The following FYCO1 variants were observed in gnomAD, a reference collection of about 807,000 sequenced individuals.
FYCO1 encodes FYVE and coiled-coil domain-containing protein 1.
In FYCO1, 122 loss-of-function variants were observed where a neutral mutation model predicts 165.1. The observed-to-expected ratio is 0.74, with a 90% confidence interval of 0.64 to 0.86. The LOEUF (loss-of-function observed/expected upper bound fraction) is 0.86. FYCO1 is among the 40% of genes least tolerant of loss of function. The probability of loss-of-function intolerance (pLI) is 0.00; values close to 1 mark genes in which losing one functional copy is unlikely to be tolerated. For missense variants in FYCO1, 1,702 were observed against 1,810.3 expected, an observed-to-expected ratio of 0.94 and a Z score of 1.09; for synonymous variants, 648 against 742.5, an observed-to-expected ratio of 0.87 and a Z score of 2.07.
intron 1 of FYCO1, among the ~76,000 whole-genome samples, 182 bp from the exon 2 acceptor site, chr3:45,985,204 C>A (rs542322328): frequency 1.3e-5 from 2 of 152,210 alleles, no homozygotes; most frequent in Admixed American, 6.5e-5. Context: ...TTCTGACACA[C>A]TTCTATTCAG....
At chr3:45,946,649 C>T (rs1449066120) in intron 14 of FYCO1, 1 of 1,614,210 alleles carries the variant, frequency 6.2e-7, no homozygotes, top group Admixed American at 1.7e-5. Flanking sequence ...TGGTCATATC[C>T]ATCTTCTACC....
At chr3:45,989,549 C>T (rs1707472906) in intron 1 of FYCO1, among the ~76,000 whole-genome samples, 3 of 152,208 alleles carry the variant, frequency 2.0e-5, no homozygotes, top group Admixed American at 1.3e-4. Context: ...TGAACAAAGA[C>T]TCATTAGGTG....
intron 14 of FYCO1, among the ~76,000 whole-genome samples, chr3:45,940,364 C>T (rs757821499): frequency 6.6e-5 from 10 of 152,222 alleles, no homozygotes; most frequent in Non-Finnish European, 1.5e-4. Context: ...AGGAGTTGGG[C>T]GAGTGGGCTC....
chr3:45,987,538 T>C (rs1707368596), intron 1 of FYCO1, among the ~76,000 whole-genome samples: 1 of 152,174 alleles, frequency 6.6e-6, no homozygotes, highest in Non-Finnish European at 1.5e-5. Context: ...AAGAAAAGGA[T>C]GCTGGGACGG....
At chr3:45,973,708 T>C (rs1466812885) in intron 5 of FYCO1, among the ~76,000 whole-genome samples, 1 of 152,144 alleles carries the variant, frequency 6.6e-6, no homozygotes, top group East Asian at 1.9e-4. Flanking sequence ...ATAAAATAAA[T>C]GTTATCTGCA....
At chr3:45,937,677 C>T (rs758716862) in intron 14 of FYCO1, among the ~76,000 whole-genome samples, 2 of 152,216 alleles carry the variant, frequency 1.3e-5, no homozygotes, top group African/African-American at 4.8e-5. Flanking sequence ...CCACAGCCTC[C>T]GCTGCTCTTC....
chr3:45,984,077 G>A (rs1263110043), intron 2 of FYCO1, among the ~76,000 whole-genome samples: 1 of 152,178 alleles, frequency 6.6e-6, no homozygotes, highest in Non-Finnish European at 1.5e-5. Flanking sequence ...CAGGCATGGA[G>A]GAAGTGGTCA....
In FYCO1 at chr3:45,965,121, G is replaced by C; in HGVS notation, c.3062C>G (p.Ala1021Gly). The C allele has an allele frequency of 6.2e-7, 1 of 1,612,748 alleles. No homozygotes were observed. The highest frequency in any genetic ancestry group is 8.5e-7 in the Non-Finnish European group (1 of 1,179,010). Residue 1021 changes from alanine (A) to glycine (G), a missense_variant, in exon 9 of 18, where the codon GCT becomes GGT. Transcript: ENST00000296137. ...CCTGAGGCTCTTGCACTCTTCACCA[G>C]CATTCTAGAGAGGACAAGAAAGAAA... ...IMDYQSRLKN[A>G]GEECKSLRGQ...
Position 45,921,233 on chromosome 3 carries a change from C to T in FYCO1, c.*532G>A, listed in dbSNP as rs1458013137. 3 of 202,738 alleles carry T rather than the reference C, an allele frequency of 1.5e-5. No individual in the cohort carries two copies. The highest frequency in any genetic ancestry group is 9.4e-5 in the South Asian group (1 of 10,684). 12.6% of individuals were successfully genotyped at this position (202,738 alleles called of 1,614,324 possible). A position where few individuals can be genotyped will look rare whatever the true frequency, so the allele number is the denominator to read the frequency against. Reference sequence around the variant, plus strand: ...GACTGGAGGAGCTGGTCAGGATCTCCGGGGGGTCCCCTGGCACCGACTCGC... The same window carrying T: ...GACTGGAGGAGCTGGTCAGGATCTCTGGGGGGTCCCCTGGCACCGACTCGC... On this transcript the variant is annotated 3_prime_UTR_variant, in exon 18 of 18. Transcript: ENST00000296137.
At chr3:45,992,279 G>A (rs1341447057) in intron 1 of FYCO1, among the ~76,000 whole-genome samples, 2 of 152,190 alleles carry the variant, frequency 1.3e-5, no homozygotes, top group Non-Finnish European at 2.9e-5. Context: ...TGCACTTCTT[G>A]GGGAGGAGCA....
In FYCO1 at chr3:45,958,509, CCTTCA is replaced by C; in HGVS notation, c.3693_3697del (p.Ser1231ArgfsTer6). On this transcript the variant is annotated frameshift_variant, in exon 13 of 18. Transcript: ENST00000296137. LOFTEE classifies it high-confidence loss of function. The stretch of plus-strand genomic sequence containing the variant: ...GCCACTGCTATCAGGGGAGCCAGGG[CCTTCA>C]CTGAGCTTCTGGAAACAGGCTCGGC... 6.2e-7 allele frequency: 1 copy of C among 1,614,200 alleles called. No homozygotes were observed. Among genetic ancestry groups the C allele is most frequent in the Admixed American group, 1.7e-5 (1 of 60,032 alleles).
chr3:45,928,432 G>A (rs1179217004), intron 16 of FYCO1, among the ~76,000 whole-genome samples: 1 of 152,122 alleles, frequency 6.6e-6, no homozygotes, highest in Non-Finnish European at 1.5e-5. Context: ...TGTGTACACT[G>A]GTAACCTGGT....
chr3:45,984,852 A>G lies in FYCO1; in HGVS notation c.55+4T>C, dbSNP rs768347032. ...AACTCAGCCTGCCCAGCAACCTACC[A>G]TACCTTGCAAGTCTCGGATGATTCT... is the stretch of plus-strand genomic sequence containing the variant. On this transcript the variant is annotated splice_donor_region_variant and intron_variant, in intron 2 of 17. Transcript: ENST00000296137. 4.3e-6 allele frequency: 7 copies of G among 1,613,954 alleles called. No homozygotes were observed. The African/African-American group carries it at 6.7e-5, about 15-fold the overall frequency.
At chr3:45,958,369 C>T (rs779889431) in intron 13 of FYCO1, 39 bp downstream of exon 13, 4 of 1,577,516 alleles carry the variant, frequency 2.5e-6, no homozygotes, top group Non-Finnish European at 3.5e-6. Flanking sequence ...GGAAGTGGCA[C>T]CTAGAGAACA....
intron 1 of FYCO1, among the ~76,000 whole-genome samples, chr3:45,994,650 C>T (rs1303491351): frequency 1.3e-5 from 2 of 152,118 alleles, no homozygotes; most frequent in South Asian, 4.1e-4. Flanking sequence ...GCTCCCCACC[C>T]CTCCCCCACA....
chr3:45,953,183 C>T (rs1317917671), intron 14 of FYCO1, among the ~76,000 whole-genome samples: 1 of 152,192 alleles, frequency 6.6e-6, no homozygotes, highest in Non-Finnish European at 1.5e-5. Flanking sequence ...AGATTAAAGA[C>T]ATGCAGCAGA....
rs4683158 is a variant in FYCO1 at position 45,968,585 on chromosome 3, C to T, written c.749G>A (p.Arg250Gln). ...DQLEVREKQL[R>Q]ERMQQLDREN... ...TCTGTCCAGCTGCTGCATGCGCTCC[C>T]GTAGCTGCTTCTCCCGCACCTCCAA... The change falls in exon 8 of 18, where the codon CGG becomes CAG. Residue 250 changes from arginine (R) to glutamine (Q), a missense_variant. Coordinates refer to ENST00000296137, the MANE Select transcript of FYCO1 (RefSeq NM_024513.4). The T allele has an allele frequency of 0.8, 1,286,089 of 1,613,920 alleles. 516,568 individuals are homozygous for T. The highest frequency in any genetic ancestry group is 1 in the East Asian group (44,849 of 44,874).
intron 14 of FYCO1, among the ~76,000 whole-genome samples, chr3:45,938,580 G>A (rs1353396290): frequency 1.3e-5 from 2 of 152,184 alleles, no homozygotes; most frequent in East Asian, 1.9e-4. Context: ...TGCAACATCC[G>A]ACTCCCTGGT....
chr3:45,967,810 G>A lies in FYCO1; in HGVS notation c.1524C>T (p.Val508=). 6.2e-7 allele frequency: 1 copy of A among 1,614,032 alleles called. No individual in the cohort carries two copies. Among genetic ancestry groups the A allele is most frequent in the Non-Finnish European group, 8.5e-7 (1 of 1,180,008 alleles). ...ACTGCAGCTGCCGGGTCAGAGACCT[G>A]ACCTCCTGCTCCAGCAGCTCCTTCT... ...QEEKELLEQE[V]RSLTRQLQFL... is the part of the protein sequence containing the mutation. Residue 508 remains valine (V), a synonymous_variant, in exon 8 of 18, where the codon GTC becomes GTT. Transcript: ENST00000296137.
Sources: gnomAD v4.1 joint callset for allele counts (sites outside exome capture counted in the v4.1 genomes callset) on GRCh38, gnomAD v4.1.1 for gene constraint, MANE v1.5 for transcripts, NCBI Gene and HGNC (gene_info 2026-07-23, HGNC 2026-07-21) for gene names.